Variants in PCDHA2 observed in about 807,000 individuals in gnomAD.
The protein encoded by PCDHA2 is protocadherin alpha-2.
Under a neutral mutation model 66.0 loss-of-function variants are expected in PCDHA2, and 58 were observed. The ratio of observed to expected loss-of-function variants is 0.88; its 90% CI spans 0.71 to 1.09. The LOEUF (loss-of-function observed/expected upper bound fraction) is 1.09, where lower values mean the gene tolerates loss of function less well. Ranked by LOEUF, PCDHA2 falls within the 50% of genes least tolerant of loss-of-function variation. The probability of loss-of-function intolerance (pLI) is 0.00; values close to 1 mark genes in which losing one functional copy is unlikely to be tolerated. For missense variants in PCDHA2, 1,267 were observed against 1,242.3 expected, an observed-to-expected ratio of 1.02 and a Z score of -0.30; for synonymous variants, 634 against 554.0, an observed-to-expected ratio of 1.14 and a Z score of -2.03.
chr5:140,869,271 G>C (rs2050992128), intron 1 of PCDHA2: 1 of 1,613,468 alleles, frequency 6.2e-7, no homozygotes, highest in Admixed American at 1.7e-5. Flanking sequence ...GGCTGGAGCT[G>C]GCGGAGCTGG....
At chr5:140,803,658 C>A (rs1554122917) in intron 1 of PCDHA2, 9 of 1,607,728 alleles carry the variant, frequency 5.6e-6, no homozygotes, top group Non-Finnish European at 7.7e-6. Context: ...TTCCACTCCT[C>A]TGGAAATACA....
intron 1 of PCDHA2, among the ~76,000 whole-genome samples, chr5:140,798,703 G>A (rs1202479092): frequency 1.3e-5 from 2 of 152,144 alleles, no homozygotes; most frequent in Admixed American, 1.3e-4. Context: ...AAAAGATGAG[G>A]CCTGGTCTTG....
chr5:140,928,234 C>T lies in PCDHA2; in HGVS notation c.2389-50715C>T, dbSNP rs1319421246. The T allele has an allele frequency of 4.3e-6, 7 of 1,614,096 alleles. No homozygotes were observed. In the African/African-American group the frequency reaches 8.0e-5, roughly 18 times the overall value. On this transcript the variant is annotated intron_variant, in intron 1 of 3. Transcript: ENST00000526136. ...TGACAATACACCAAACTTTCCTCAA[C>T]CCCAGCAGGAACTTTTCGTTGCTGA...
At chr5:140,848,473 TAGA>T in intron 1 of PCDHA2, 2 of 1,556,440 alleles carry the variant, frequency 1.3e-6, no homozygotes, top group Non-Finnish European at 8.7e-7. Context: ...TTTCACTAAT[TAGA>T]AGAAGACTGA....
intron 3 of PCDHA2, among the ~76,000 whole-genome samples, chr5:140,992,707 C>T (rs1554253127): frequency 1.3e-5 from 2 of 152,056 alleles, no homozygotes; most frequent in Admixed American, 1.3e-4. Flanking sequence ...AATGTTCCTG[C>T]CAGTATTCGT....
At chr5:140,810,208 C>T (rs1334242094) in intron 1 of PCDHA2, 1 of 152,202 alleles carries the variant, frequency 6.6e-6, no homozygotes, top group African/African-American at 2.4e-5. Context: ...AGTACTATTT[C>T]ATAAATATAC....
chr5:140,940,253 A>G (rs1216858680), intron 1 of PCDHA2, among the ~76,000 whole-genome samples: 1 of 152,124 alleles, frequency 6.6e-6, no homozygotes, highest in Middle Eastern at 3.2e-3. Context: ...CCTCCTCAAT[A>G]TCTTCTGGGT....
At chr5:140,960,162 C>T (rs782387212) in intron 1 of PCDHA2, among the ~76,000 whole-genome samples, 3 of 152,064 alleles carry the variant, frequency 2.0e-5, no homozygotes, top group Non-Finnish European at 4.4e-5. Context: ...ACTGATAATA[C>T]AATTCTTAAG....
intron 1 of PCDHA2, among the ~76,000 whole-genome samples, chr5:140,944,993 G>A (rs529303280): frequency 6.6e-5 from 10 of 152,054 alleles, no homozygotes; most frequent in African/African-American, 2.2e-4. Context: ...CTTCTGTAAC[G>A]GTTGTGGGTC....
chr5:140,984,882 A>G (rs1456658089), intron 3 of PCDHA2, among the ~76,000 whole-genome samples: 3 of 152,150 alleles, frequency 2.0e-5, no homozygotes, highest in African/African-American at 7.2e-5. Context: ...AGTTACCATG[A>G]GAACTAAAGG....
At position 140,858,282 on chromosome 5, in the gene PCDHA2, G is replaced by T. The variant is rs782040852; in HGVS notation, c.2388+60930G>T. On this transcript the variant is annotated intron_variant, in intron 1 of 3. Coordinates refer to ENST00000526136, the MANE Select transcript of PCDHA2 (RefSeq NM_018905.3). ...CTGGTGTGCTCTAGCGCGGTGGGGA[G>T]CTGGTCTTACTCGCAGCAGAGGCGG... 2.5e-6 allele frequency: 4 copies of T among 1,597,480 alleles called. No homozygotes were observed. The highest frequency in any genetic ancestry group is 3.4e-6 in the Non-Finnish European group (4 of 1,167,300).
At chr5:140,947,635 G>T (rs1170525936) in intron 1 of PCDHA2, among the ~76,000 whole-genome samples, 1 of 151,538 alleles carries the variant, frequency 6.6e-6, no homozygotes, top group Non-Finnish European at 1.5e-5. Flanking sequence ...TCATCAGATC[G>T]TATGAACATA....
chr5:140,871,476 G>A (rs1437006996), intron 1 of PCDHA2: 1 of 1,598,568 alleles, frequency 6.3e-7, no homozygotes, highest in Admixed American at 1.7e-5. Flanking sequence ...AGGAGCCAGG[G>A]TCAAATCACC....
At chr5:140,968,540 G>A (rs1554230842) in intron 1 of PCDHA2, 8 of 1,614,064 alleles carry the variant, frequency 5.0e-6, no homozygotes, top group Non-Finnish European at 1.7e-6. Context: ...AGCAGCCTTC[G>A]AGATGGTGCC....
intron 1 of PCDHA2, chr5:140,803,485 G>A (rs1562194526): frequency 3.7e-6 from 6 of 1,614,220 alleles, no homozygotes; most frequent in Middle Eastern, 1.6e-4. Context: ...TCTGGAGAGG[G>A]GTTGCCCAAG....
chr5:140,884,839 G>A lies in PCDHA2; in HGVS notation c.2388+87487G>A, dbSNP rs180730260. Reference sequence around the variant, plus strand: ...ACATTATGTGTTGGATTATCCTTCAGAGTGAAATCTTAACTCACAAACCAT... The same window carrying A: ...ACATTATGTGTTGGATTATCCTTCAAAGTGAAATCTTAACTCACAAACCAT... On this transcript the variant is annotated intron_variant, in intron 1 of 3. Coordinates refer to ENST00000526136, the MANE Select transcript of PCDHA2 (RefSeq NM_018905.3). 2.5e-3 allele frequency: 2,207 copies of A among 893,274 alleles called. 7 individuals are homozygous for A. Among genetic ancestry groups the A allele is most frequent in the Middle Eastern group, 9.3e-3 (26 of 2,802 alleles). 55.3% of individuals were successfully genotyped at this position (893,274 alleles called of 1,614,324 possible). A position where few individuals can be genotyped will look rare whatever the true frequency, so the allele number is the denominator to read the frequency against.
chr5:140,966,516 G>A (rs967570115), intron 1 of PCDHA2: 27 of 436,614 alleles, frequency 6.2e-5, no homozygotes, highest in Admixed American at 4.4e-4. Flanking sequence ...GCAGCAGCAG[G>A]AAGCCGAGCC....
chr5:140,871,553 GT>G lies in PCDHA2; in HGVS notation c.2388+74209del, dbSNP rs555355563. 1.1e-3 allele frequency: 1,577 copies of G among 1,491,202 alleles called. 1 individual carries two copies. The highest frequency in any genetic ancestry group is 2.7e-3 in the Middle Eastern group (15 of 5,580). 92.4% of individuals were successfully genotyped at this position (1,491,202 alleles called of 1,614,324 possible). On this transcript the variant is annotated intron_variant, in intron 1 of 3. Transcript: ENST00000526136. ...TGTATGTGAAATTATTTAAAATCCA[GT>G]TTTTTTTCACGGATTTTTTAAGGGA...
At position 140,796,619 on chromosome 5, in the gene PCDHA2, A is replaced by G. The variant is rs1287866017; in HGVS notation, c.1655A>G (p.Gln552Arg). ...VPPLGSNVTL[Q>R]VFVLDENDNA... ...CCTCTGGGCAGCAACGTGACGCTGC[A>G]GGTGTTCGTGCTGGACGAGAACGAC... The change falls in exon 1 of 4, where the codon CAG becomes CGG. Residue 552 changes from glutamine to arginine, a missense_variant. By Grantham distance (43) the Gln-to-Arg change is conservative (BLOSUM62 1). Coordinates refer to ENST00000526136, the MANE Select transcript of PCDHA2 (RefSeq NM_018905.3). The G allele has an allele frequency of 6.2e-7, 1 of 1,611,800 alleles. No homozygotes were observed. Among genetic ancestry groups the G allele is most frequent in the African/African-American group, 1.3e-5 (1 of 74,268 alleles).
Sources: allele counts gnomAD v4.1 joint callset (sites outside exome capture counted in the v4.1 genomes callset), GRCh38; gene constraint gnomAD v4.1.1; transcripts MANE v1.5; gene names NCBI Gene and HGNC (gene_info 2026-07-23, HGNC 2026-07-21).